The following MVB12B variants were observed in gnomAD, a reference collection of about 807,000 sequenced individuals.
MVB12B encodes ESCRT-I complex subunit MVB12B.
MVB12B carries 16 observed loss-of-function variants against 41.6 expected under a neutral mutation model. The ratio of observed to expected loss-of-function variants is 0.38; its 90% CI spans 0.26 to 0.58. The LOEUF is 0.58. Ranked by LOEUF, MVB12B falls within the 20% of genes least tolerant of loss-of-function variation. The pLI is 0.62. For synonymous variants in MVB12B, 133 were observed against 139.7 expected, an observed-to-expected ratio of 0.95 and a Z score of 0.34; for missense variants, 274 against 380.2, an observed-to-expected ratio of 0.72 and a Z score of 2.32.
chr9:126,484,184 ATG>A (rs1446912207), intron 9 of MVB12B, 152 bp downstream of exon 9: 1 of 665,286 alleles, frequency 1.5e-6, no homozygotes, highest in South Asian at 1.9e-5. Context: ...TTGCACCCAA[ATG>A]TGTTTCTTAG....
chr9:126,384,674 G>A (rs771941005), intron 3 of MVB12B, among the ~76,000 whole-genome samples: 15 of 151,420 alleles, frequency 9.9e-5, no homozygotes, highest in African/African-American at 2.7e-4. Flanking sequence ...GACTACAAGC[G>A]TCCACCACCA....
rs1191702353 is a variant in MVB12B, at chr9:126,333,337, G to C, written c.81+6327G>C. 6.6e-6 allele frequency among the ~76,000 whole-genome samples: 1 copy of C among 151,494 alleles called. No homozygotes were observed. Among genetic ancestry groups the C allele is most frequent in the African/African-American group, 2.4e-5 (1 of 41,160 alleles). On this transcript the variant is annotated intron_variant, in intron 1 of 9. Coordinates refer to ENST00000361171, the MANE Select transcript of MVB12B (RefSeq NM_033446.3). This position sits in a 1 kb window ranked among gnomAD's most constrained non-coding sequence, Gnocchi z 4.7. ...CCTGACCTTGTGATCTGTCCGCCTC[G>C]GACTCCCAAGGTGCTGGGATTACAG... is the stretch of plus-strand genomic sequence containing the variant.
At chr9:126,346,692 C>T (rs1189747421) in intron 2 of MVB12B, among the ~76,000 whole-genome samples, 2 of 152,080 alleles carry the variant, frequency 1.3e-5, no homozygotes, top group South Asian at 2.1e-4. Flanking sequence ...ACTCCACTAC[C>T]GTGGAGGGTC....
At chr9:126,434,446 C>T (rs557137162) in intron 7 of MVB12B, among the ~76,000 whole-genome samples, 3 of 152,258 alleles carry the variant, frequency 2.0e-5, no homozygotes, top group Non-Finnish European at 4.4e-5. Context: ...ATAGCATGAA[C>T]GATCGCATGA....
At position 126,340,434 on chromosome 9, in the gene MVB12B, T is replaced by C. The variant is rs1386521788; in HGVS notation, c.82-74T>C. 1 of 1,562,516 alleles carries C rather than the reference T, an allele frequency of 6.4e-7. No homozygotes were observed. The highest frequency in any genetic ancestry group is 8.8e-7 in the Non-Finnish European group (1 of 1,142,224). On this transcript the variant is annotated intron_variant, in intron 1 of 9. Transcript: ENST00000361171. The surrounding 1 kb of genome is among the most constrained non-coding windows in gnomAD (Gnocchi z 4.0). ...GGTATTTGCCCCAAGATTCTGGTTC[T>C]GTTTGAGACTTTATATTATTCACAT... is the stretch of plus-strand genomic sequence containing the variant.
At chr9:126,493,473 A>T (rs1436523490) in intron 9 of MVB12B, among the ~76,000 whole-genome samples, 1 of 152,152 alleles carries the variant, frequency 6.6e-6, no homozygotes, top group African/African-American at 2.4e-5. Flanking sequence ...GGTTAGGGTT[A>T]GTTCTCTCTT....
Position 126,389,832 on chromosome 9 carries a change from G to A in MVB12B, c.410-2234G>A, listed in dbSNP as rs1281808744. On this transcript the variant is annotated intron_variant, in intron 4 of 9. Coordinates refer to ENST00000361171, the MANE Select transcript of MVB12B (RefSeq NM_033446.3). This position sits in a 1 kb window ranked among gnomAD's most constrained non-coding sequence, Gnocchi z 4.4. ...GGGGCCTCTTCATTTCCAGTTCTAG[G>A]ATCATTTCCTAGATGTTTAGCAATG... Among the ~76,000 whole-genome samples the A allele has an allele frequency of 6.6e-6, 1 of 152,052 alleles. No homozygotes were observed. The highest frequency in any genetic ancestry group is 2.4e-5 in the African/African-American group (1 of 41,378).
At position 126,376,257 on chromosome 9, in the gene MVB12B, A is replaced by G. The variant is rs1439001690; in HGVS notation, c.205-4807A>G. ...TCATAATACTCTGTTCTTGTTTGGT[A>G]TTTGCAGTCTATTCACTCATCCCTC... On this transcript the variant is annotated intron_variant, in intron 2 of 9. Transcript: ENST00000361171. This position sits in a 1 kb window ranked among gnomAD's most constrained non-coding sequence, Gnocchi z 4.1. Among the ~76,000 whole-genome samples the G allele has an allele frequency of 6.6e-6, 1 of 151,912 alleles. No homozygotes were observed. Among genetic ancestry groups the G allele is most frequent in the East Asian group, 1.9e-4 (1 of 5,172 alleles).
intron 9 of MVB12B, among the ~76,000 whole-genome samples, chr9:126,500,719 C>T (rs1279689907): frequency 6.6e-6 from 1 of 152,236 alleles, no homozygotes; most frequent in African/African-American, 2.4e-5. Context: ...CCCTCAGCCC[C>T]GCTGTCTCCG....
At chr9:126,471,404 C>T (rs1295075174) in intron 7 of MVB12B, among the ~76,000 whole-genome samples, 1 of 152,230 alleles carries the variant, frequency 6.6e-6, no homozygotes, top group Non-Finnish European at 1.5e-5. Context: ...CTGCCTCTCA[C>T]GCGGGGGACT....
At chr9:126,347,822 C>T (rs1477252963) in intron 2 of MVB12B, among the ~76,000 whole-genome samples, 1 of 152,248 alleles carries the variant, frequency 6.6e-6, no homozygotes, top group Non-Finnish European at 1.5e-5. Flanking sequence ...GGGACATTGG[C>T]ATATCCCGTC....
In MVB12B at chr9:126,340,617, C is replaced by A; in HGVS notation, c.191C>A (p.Thr64Lys). 6.2e-7 allele frequency: 1 copy of A among 1,614,142 alleles called. No individual in the cohort carries two copies. The highest frequency in any genetic ancestry group is 8.5e-7 in the Non-Finnish European group (1 of 1,179,986). Residue 64 changes from threonine to lysine, a missense_variant, in exon 2 of 10, where the codon ACA (threonine) becomes AAA (lysine). Coordinates refer to ENST00000361171, the MANE Select transcript of MVB12B (RefSeq NM_033446.3). The surrounding 1 kb of genome is among the most constrained non-coding windows in gnomAD (Gnocchi z 4.0). ...GVVASRNRAP[T>K]GYDVVAQTAD... ...GTGGCTTCTCGGAACCGAGCCCCGA[C>A]AGGCTATGACGTAGTAAGTCAAGAT... is the stretch of plus-strand genomic sequence containing the variant.
At chr9:126,446,040 A>AGTTTCATTCTTACC (rs1832758179) in intron 7 of MVB12B, among the ~76,000 whole-genome samples, 1 of 152,166 alleles carries the variant, frequency 6.6e-6, no homozygotes, top group Non-Finnish European at 1.5e-5. Context: ...TTTAATGGGA[A>AGTTTCATTCTTACC]TGCTTCTAGT....
chr9:126,372,681 AT>A (rs1300676128), intron 2 of MVB12B, among the ~76,000 whole-genome samples: 1 of 152,118 alleles, frequency 6.6e-6, no homozygotes, highest in Non-Finnish European at 1.5e-5. Context: ...TTCTATTGTC[AT>A]TTTTAGGTGA....
chr9:126,479,009 T>C (rs892846886), intron 7 of MVB12B, among the ~76,000 whole-genome samples: 2 of 152,158 alleles, frequency 1.3e-5, no homozygotes, highest in African/African-American at 4.8e-5. Context: ...GCACAGTACC[T>C]GGGCGTGCAG....
At chr9:126,461,711 C>T (rs1833094057) in intron 7 of MVB12B, among the ~76,000 whole-genome samples, 1 of 152,112 alleles carries the variant, frequency 6.6e-6, no homozygotes, top group South Asian at 2.1e-4. Context: ...CGTGGAGAGC[C>T]GTAAACCGAG....
At chr9:126,471,920 C>CA (rs1833322138) in intron 7 of MVB12B, among the ~76,000 whole-genome samples, 1 of 152,134 alleles carries the variant, frequency 6.6e-6, no homozygotes. Context: ...GTTCACTTAA[C>CA]ACCGCTTGAC....
chr9:126,501,894 G>T (rs528369110), intron 9 of MVB12B, among the ~76,000 whole-genome samples: 1 of 152,182 alleles, frequency 6.6e-6, no homozygotes, highest in East Asian at 1.9e-4. Context: ...GGCACCCCAG[G>T]GCCCTCCCTG....
chr9:126,481,767 G>A (rs151222399), intron 8 of MVB12B, among the ~76,000 whole-genome samples: 5 of 152,346 alleles, frequency 3.3e-5, no homozygotes, highest in South Asian at 2.1e-4. Context: ...TTGCCATGCC[G>A]CACGTGATTA....
Sources: gnomAD v4.1 joint callset for allele counts (sites outside exome capture counted in the v4.1 genomes callset) on GRCh38, gnomAD v4.1.1 for gene constraint, Gnocchi (gnomAD v3.1) non-coding constraint, MANE v1.5 for transcripts, NCBI Gene and HGNC (gene_info 2026-07-23, HGNC 2026-07-21) for gene names.